NPEPPS: variants seen among roughly 807,000 people sequenced by gnomAD.
NPEPPS encodes aminopeptidase puromycin sensitive.
Under a neutral mutation model 115.5 loss-of-function variants are expected in NPEPPS, and 14 were observed. The observed-to-expected ratio is 0.12, with a 90% CI of 0.08 to 0.19. The LOEUF (loss-of-function observed/expected upper bound fraction) is 0.19, where lower values mean the gene tolerates loss of function less well. Ranked by LOEUF, NPEPPS falls within the 10% of genes least tolerant of loss-of-function variation. NPEPPS has a pLI of 1.00. For synonymous variants in NPEPPS, 285 were observed against 390.6 expected (o/e 0.73, Z 3.19); for missense variants, 523 against 1,110.8 (o/e 0.47, Z 7.52).
intron 2 of NPEPPS, among the ~76,000 whole-genome samples, chr17:47,563,564 C>T (rs1420039173): frequency 6.6e-6 from 1 of 151,988 alleles, no homozygotes; most frequent in East Asian, 1.9e-4. Context: ...GTGTTATGAT[C>T]TAGAAAAGTG....
chr17:47,589,553 T>C (rs2143865751), intron 9 of NPEPPS, among the ~76,000 whole-genome samples: 1 of 152,302 alleles, frequency 6.6e-6, no homozygotes, highest in East Asian at 1.9e-4. Context: ...GAGCAAGCCA[T>C]TGTGCCTGGC....
Position 47,531,424 on chromosome 17 carries a change from C to T in NPEPPS, c.124C>T (p.Leu42Phe), listed in dbSNP as rs1462601225. 3.2e-6 allele frequency: 5 copies of T among 1,547,854 alleles called. No homozygotes were observed. The highest frequency in any genetic ancestry group is 1.2e-5 in the South Asian group (1 of 83,972). The change falls in exon 1 of 23, where the codon CTC (leucine) becomes TTC (phenylalanine). Residue 42 changes from leucine to phenylalanine, a missense_variant. Leu to Phe is a conservative substitution (Grantham distance 22). Transcript: ENST00000322157. The part of the protein sequence containing the change: ...SSRRRLHSLG[L>F]AAMPEKRPFE... ...TCGCCGCCGCCTCCACAGCCTGGGC[C>T]TCGCCGCGATGCCGGAGAAGAGGCC...
chr17:47,552,016 A>G (rs1365844237), intron 2 of NPEPPS, among the ~76,000 whole-genome samples: 1 of 108,436 alleles, frequency 9.2e-6, no homozygotes, highest in African/African-American at 3.2e-5. Context: ...TCTGTCATCC[A>G]GGCTGGAATG....
chr17:47,616,632 C>T (rs373242360), intron 19 of NPEPPS, among the ~76,000 whole-genome samples: 44 of 150,142 alleles, frequency 2.9e-4, no homozygotes, highest in African/African-American at 1.1e-3. Context: ...TGTGGTGAGC[C>T]GATATTGTGC....
upstream of NPEPPS, among the ~76,000 whole-genome samples, chr17:47,530,099 G>C (rs1211919398): frequency 1.8e-4 from 5 of 27,062 alleles, no homozygotes; most frequent in Non-Finnish European, 3.7e-4. Flanking sequence ...ACCAAGCCCG[G>C]CTATTTTTTT....
chr17:47,556,073 CTTTTTTTTTTTT>C (rs747406184), intron 2 of NPEPPS, among the ~76,000 whole-genome samples: 1 of 80,736 alleles, frequency 1.2e-5, no homozygotes, highest in Non-Finnish European at 2.6e-5. Flanking sequence ...AAGCAATTCT[CTTTTTTTTTTTT>C]TTTTTTTTTA....
At chr17:47,536,830 G>T (rs546990272) in intron 1 of NPEPPS, among the ~76,000 whole-genome samples, 1 of 148,988 alleles carries the variant, frequency 6.7e-6, no homozygotes, top group Non-Finnish European at 1.5e-5. Context: ...TCTTGCCCCA[G>T]CCTCCAGAGT....
intron 19 of NPEPPS, among the ~76,000 whole-genome samples, chr17:47,617,624 C>T (rs2143981895): frequency 6.7e-6 from 1 of 149,936 alleles, no homozygotes; most frequent in East Asian, 2.0e-4. Context: ...GTACAGTATT[C>T]ATTTTCAATT....
chr17:47,541,281 T>C (rs985170557), intron 1 of NPEPPS, among the ~76,000 whole-genome samples: 4 of 152,180 alleles, frequency 2.6e-5, no homozygotes, highest in African/African-American at 9.7e-5. Flanking sequence ...ACCACAGTTA[T>C]TATTTTGCTG....
intron 17 of NPEPPS, among the ~76,000 whole-genome samples, chr17:47,611,046 G>C (rs1020593942): frequency 6.6e-6 from 1 of 150,400 alleles, no homozygotes; most frequent in Non-Finnish European, 1.5e-5. Flanking sequence ...TAGAGACAGG[G>C]TTTCACCATG....
Position 47,546,557 on chromosome 17 carries a change from G to A in NPEPPS, c.340+564G>A, listed in dbSNP as rs1161619655. Among the ~76,000 whole-genome samples the A allele has an allele frequency of 2.1e-4, 31 of 150,692 alleles. No homozygotes were observed. The East Asian group carries it at 2.9e-3, about 14-fold the overall frequency. On this transcript the variant is annotated intron_variant, in intron 2 of 22. Coordinates refer to ENST00000322157, the MANE Select transcript of NPEPPS (RefSeq NM_006310.4). The stretch of plus-strand genomic sequence containing the variant: ...ATTTATTTTTATTTTTATTTTTTTT[G>A]AGACAGAGTCTTGCTCTGACACCCA...
chr17:47,603,818 A>G, intron 15 of NPEPPS, 97 bp from the exon 16 acceptor site: 3 of 1,131,048 alleles, frequency 2.7e-6, no homozygotes, highest in South Asian at 1.6e-5. Flanking sequence ...TTTTTCATCC[A>G]GATATATCTA....
chr17:47,622,165 G>C lies in NPEPPS; in HGVS notation c.*245G>C. On this transcript the variant is annotated 3_prime_UTR_variant, in exon 23 of 23. Coordinates refer to ENST00000322157, the MANE Select transcript of NPEPPS (RefSeq NM_006310.4). ...ATGTAAATATGATAGTAATAAAATA[G>C]AGCATAACGAAACTGTGAAACTTTC... is the stretch of plus-strand genomic sequence containing the variant. The C allele has an allele frequency of 9.7e-7, 1 of 1,033,086 alleles. No individual in the cohort carries two copies. 64.0% of individuals were successfully genotyped at this position (1,033,086 alleles called of 1,614,324 possible). A position where few individuals can be genotyped will look rare whatever the true frequency, so the allele number is the denominator to read the frequency against.
intron 2 of NPEPPS, among the ~76,000 whole-genome samples, chr17:47,547,971 A>G (rs1381007118): frequency 6.6e-6 from 1 of 152,218 alleles, no homozygotes; most frequent in East Asian, 1.9e-4. Flanking sequence ...GCTTGCAGTG[A>G]GCCGAGATCG....
chr17:47,548,657 A>G (rs1245300465), intron 2 of NPEPPS, among the ~76,000 whole-genome samples: 3 of 143,224 alleles, frequency 2.1e-5, no homozygotes, highest in African/African-American at 7.8e-5. Flanking sequence ...GCTTGCTGCA[A>G]CCTCCGCCTC....
rs150265486 is a variant in NPEPPS at position 47,523,572 on chromosome 17, C to T, written c.77+509C>T. Among the ~76,000 whole-genome samples, 1,585 of 152,106 alleles carry T rather than the reference C, an allele frequency of 0.01. 73 individuals carry two copies. The East Asian group carries it at 0.11, about 10-fold the overall frequency. On this transcript the variant is annotated intron_variant, in intron 1 of 5. Coordinates refer to the NPEPPS transcript ENST00000525007. ...AGTAGCTGTGATTACAGGCACCCGC[C>T]ACCACACCCGGCAAATTTTTTTGCA...
chr17:47,622,116 G>A lies in NPEPPS; in HGVS notation c.*196G>A. ...TTGAAAAAGGAAAATCAGCAATTCA[G>A]CAAAAAATAAATAAAAAATAAAAAT... On this transcript the variant is annotated 3_prime_UTR_variant, in exon 23 of 23. Coordinates refer to ENST00000322157, the MANE Select transcript of NPEPPS (RefSeq NM_006310.4). 7.9e-7 allele frequency: 1 copy of A among 1,271,132 alleles called. No individual in the cohort carries two copies. Among genetic ancestry groups the A allele is most frequent in the Non-Finnish European group, 9.9e-7 (1 of 1,005,808 alleles). 78.7% of individuals were successfully genotyped at this position (1,271,132 alleles called of 1,614,324 possible). A position where few individuals can be genotyped will look rare whatever the true frequency, so the allele number is the denominator to read the frequency against.
At chr17:47,604,459 A>G (rs1304787526) in intron 16 of NPEPPS, among the ~76,000 whole-genome samples, 1 of 152,238 alleles carries the variant, frequency 6.6e-6, no homozygotes, top group Non-Finnish European at 1.5e-5. Flanking sequence ...ATTTCAAATT[A>G]TATCCCATTA....
At chr17:47,523,966 TG>T (rs1351397217) in intron 1 of NPEPPS, among the ~76,000 whole-genome samples, 3 of 152,108 alleles carry the variant, frequency 2.0e-5, no homozygotes, top group East Asian at 3.8e-4. Flanking sequence ...AATGACTGAT[TG>T]TTTTTTTTCC....
Sources: allele counts gnomAD v4.1 joint callset (sites outside exome capture counted in the v4.1 genomes callset), GRCh38; gene constraint gnomAD v4.1.1; transcripts MANE v1.5; gene names NCBI Gene and HGNC (gene_info 2026-07-23, HGNC 2026-07-21).